Variants in ALKBH1 observed in about 807,000 individuals in gnomAD.
ALKBH1 encodes nucleic acid dioxygenase ALKBH1.
ALKBH1 carries 31 observed loss-of-function variants against 36.6 expected under a neutral mutation model. The observed-to-expected ratio is 0.85, with a 90% CI of 0.64 to 1.14. ALKBH1 has a LOEUF of 1.14. Ranked by LOEUF, ALKBH1 falls within the 50% of genes most tolerant of loss-of-function variation. ALKBH1 has a pLI of 0.00. For synonymous variants in ALKBH1, 183 were observed against 186.6 expected, an observed-to-expected ratio of 0.98 and a Z score of 0.16; for missense variants, 490 against 497.3, an observed-to-expected ratio of 0.99 and a Z score of 0.14.
At chr14:77,681,044 TG>T (rs1473975729) in intron 3 of ALKBH1, among the ~76,000 whole-genome samples, 2 of 152,084 alleles carry the variant, frequency 1.3e-5, no homozygotes, top group Non-Finnish European at 2.9e-5. Context: ...AATATGAGAA[TG>T]GTAGGTCTAA....
At chr14:77,706,212 G>A (rs1363308862) in intron 1 of ALKBH1, among the ~76,000 whole-genome samples, 1 of 151,998 alleles carries the variant, frequency 6.6e-6, no homozygotes, top group Non-Finnish European at 1.5e-5. Flanking sequence ...GTTTGCTGAT[G>A]TATAACCAGT....
At chr14:77,706,560 A>C (rs182088403) in intron 1 of ALKBH1, among the ~76,000 whole-genome samples, 3 of 152,284 alleles carry the variant, frequency 2.0e-5, no homozygotes, top group Non-Finnish European at 4.4e-5. Flanking sequence ...TGAGCTGAGG[A>C]ACTAAACACC....
Position 77,672,437 on chromosome 14 carries a change from A to G in ALKBH1, c.*1375T>C, listed in dbSNP as rs2080180801. Reference sequence around the variant, plus strand: ...AAATCCATAATTTTTATTCATTTAAAAACCCTGCTATTACCATATGAACTC... The same window carrying G: ...AAATCCATAATTTTTATTCATTTAAGAACCCTGCTATTACCATATGAACTC... On this transcript the variant is annotated 3_prime_UTR_variant, in exon 6 of 6. Transcript: ENST00000216489. The G allele has an allele frequency of 6.6e-6, 1 of 152,226 alleles. No homozygotes were observed. The highest frequency in any genetic ancestry group is 2.1e-4 in the South Asian group (1 of 4,836). 9.4% of individuals were successfully genotyped at this position (152,226 alleles called of 1,614,324 possible).
At chr14:77,685,683 G>A (rs1298956957) in intron 3 of ALKBH1, among the ~76,000 whole-genome samples, 1 of 150,658 alleles carries the variant, frequency 6.6e-6, no homozygotes, top group East Asian at 2.0e-4. Context: ...GGAGGCTGAG[G>A]CAGGAGCCTG....
intron 3 of ALKBH1, chr14:77,683,771 C>G (rs1487853209): frequency 9.9e-6 from 2 of 201,914 alleles, no homozygotes; most frequent in Non-Finnish European, 2.0e-5. Flanking sequence ...AGGGTTTCCC[C>G]ATGTTGCCCA....
At position 77,674,201 on chromosome 14, in the gene ALKBH1, T is replaced by G; in HGVS notation, c.781A>C (p.Arg261=). The change falls in exon 6 of 6, where the codon AGG becomes CGG. Residue 261 remains arginine (R), a synonymous_variant. Coordinates refer to ENST00000216489, the MANE Select transcript of ALKBH1 (RefSeq NM_006020.3). ...SAIFLLGGLQ[R]DEAPTAMFMH... ...AACATGGCCGTGGGGGCCTCATCCC[T>G]TTGAAGACCACCCAGGAGAAAGATG... is the stretch of plus-strand genomic sequence containing the variant. The G allele has an allele frequency of 6.2e-7, 1 of 1,612,246 alleles. No individual in the cohort carries two copies. Among genetic ancestry groups the G allele is most frequent in the Non-Finnish European group, 8.5e-7 (1 of 1,179,074 alleles).
At chr14:77,688,822 T>G (rs2080282777) in intron 3 of ALKBH1, among the ~76,000 whole-genome samples, 1 of 152,108 alleles carries the variant, frequency 6.6e-6, no homozygotes, top group Non-Finnish European at 1.5e-5. Context: ...TCCCCCCACC[T>G]TGACCTCCCA....
chr14:77,698,976 T>C (rs1278746567), intron 2 of ALKBH1, among the ~76,000 whole-genome samples: 4 of 152,222 alleles, frequency 2.6e-5, no homozygotes, highest in African/African-American at 4.8e-5. Flanking sequence ...TTTTGCCATG[T>C]TGGCCAGGCT....
In ALKBH1 at chr14:77,683,220, G is replaced by C. The variant is rs78963892; in HGVS notation, c.456-3250C>G. 2.2e-3 allele frequency: 1,483 copies of C among 659,990 alleles called. 45 individuals are homozygous for C. The East Asian group carries it at 0.042, about 19-fold the overall frequency. The allele number at this position is 659,990 out of a possible 1,614,324, so 40.9% of individuals were successfully genotyped here. A position where few individuals can be genotyped will look rare whatever the true frequency, so the allele number is the denominator to read the frequency against. On this transcript the variant is annotated intron_variant, in intron 3 of 5. Transcript: ENST00000216489. ...ACACCTATTATGCTATGAATCCATA[G>C]AGAATAGGTTCCAGCAGCTCAGGCT...
At chr14:77,696,324 G>C (rs1411769871) in intron 2 of ALKBH1, among the ~76,000 whole-genome samples, 2 of 152,228 alleles carry the variant, frequency 1.3e-5, no homozygotes, top group South Asian at 2.1e-4. Context: ...AAGTAGCTGT[G>C]ATTACAGGTG....
At position 77,676,546 on chromosome 14, in the gene ALKBH1, G is replaced by A. The variant is rs59970382; in HGVS notation, c.547-697C>T. On this transcript the variant is annotated intron_variant, in intron 4 of 5. Transcript: ENST00000216489. ...AATGTAGTATCCTGGATAAGATCCT[G>A]GATATTAGAAAATTAGATATAAGAA... Among the ~76,000 whole-genome samples, 1,204 of 152,012 alleles carry A rather than the reference G, an allele frequency of 7.9e-3. 13 individuals carry two copies. The highest frequency in any genetic ancestry group is 0.028 in the African/African-American group (1,156 of 41,448).
chr14:77,676,619 C>T (rs1485170124), intron 4 of ALKBH1, among the ~76,000 whole-genome samples: 2 of 152,108 alleles, frequency 1.3e-5, no homozygotes, highest in Non-Finnish European at 2.9e-5. Flanking sequence ...AGTACAAATG[C>T]TATTACAGTA....
intron 3 of ALKBH1, among the ~76,000 whole-genome samples, chr14:77,686,841 C>G (rs1461608402): frequency 6.6e-6 from 1 of 152,120 alleles, no homozygotes; most frequent in African/African-American, 2.4e-5. Context: ...CCAGGATGGT[C>G]TCGATTTCTT....
At chr14:77,697,998 A>G (rs1323377211) in intron 2 of ALKBH1, among the ~76,000 whole-genome samples, 1 of 152,128 alleles carries the variant, frequency 6.6e-6, no homozygotes, top group Non-Finnish European at 1.5e-5. Flanking sequence ...GGGTGACAAA[A>G]ACAGACTGCC....
At chr14:77,696,417 C>T (rs2080327365) in intron 2 of ALKBH1, among the ~76,000 whole-genome samples, 1 of 152,106 alleles carries the variant, frequency 6.6e-6, no homozygotes, top group Non-Finnish European at 1.5e-5. Context: ...CTGTACTAGG[C>T]ACTTTCTTAA....
chr14:77,697,135 C>A, intron 2 of ALKBH1: 1 of 191,184 alleles, frequency 5.2e-6, no homozygotes. Context: ...CCTGTCCTAA[C>A]TGTGACCTGG....
intron 1 of ALKBH1, among the ~76,000 whole-genome samples, chr14:77,706,804 C>T (rs2080394848): frequency 6.6e-6 from 1 of 151,994 alleles, no homozygotes; most frequent in African/African-American, 2.4e-5. Flanking sequence ...CTTTTTTTCC[C>T]TAACAAATGA....
intron 4 of ALKBH1, among the ~76,000 whole-genome samples, chr14:77,678,087 C>CA (rs11440428): frequency 0.18 from 10,095 of 55,132 alleles, 1,084 homozygotes; most frequent in East Asian, 0.34. Flanking sequence ...ATATTATCAC[C>CA]AAAAAAAAAA....
chr14:77,676,438 A>G (rs1409112211), intron 4 of ALKBH1, among the ~76,000 whole-genome samples: 1 of 152,186 alleles, frequency 6.6e-6, no homozygotes, highest in Non-Finnish European at 1.5e-5. Context: ...CTATCTGTAA[A>G]TGAGACAGTT....
Sources: allele counts gnomAD v4.1 joint callset (sites outside exome capture counted in the v4.1 genomes callset), GRCh38; gene constraint gnomAD v4.1.1; transcripts MANE v1.5; gene names NCBI Gene and HGNC (gene_info 2026-07-23, HGNC 2026-07-21).